The following LARP4B variants were observed in gnomAD, a reference collection of about 807,000 sequenced individuals.
LARP4B encodes the protein la-related protein 4B.
LARP4B carries 12 observed loss-of-function variants against 89.8 expected under a neutral mutation model. The ratio of observed to expected loss-of-function variants is 0.13; its 90% CI spans 0.09 to 0.22. The LOEUF is 0.22. Among genes scored for constraint, LARP4B ranks in the 10% least tolerant of loss-of-function variants. LARP4B has a pLI of 1.00. For missense variants in LARP4B, 757 were observed against 947.7 expected, an observed-to-expected ratio of 0.80 and a Z score of 2.64; for synonymous variants, 367 against 363.3, an observed-to-expected ratio of 1.01 and a Z score of -0.12.
chr10:817,676 C>G (rs771565749), intron 15 of LARP4B, 49 bp downstream of exon 15: 1 of 1,560,482 alleles, frequency 6.4e-7, no homozygotes, highest in East Asian at 2.3e-5. Flanking sequence ...ACACGGAACC[C>G]GTACCTAGAC....
At chr10:904,099 A>G (rs1485828869) in intron 1 of LARP4B, among the ~76,000 whole-genome samples, 1 of 152,202 alleles carries the variant, frequency 6.6e-6, no homozygotes, top group African/African-American at 2.4e-5. Context: ...CAAGTGAAAA[A>G]TTCTGATGTT....
At chr10:908,642 C>T (rs943650677) in intron 1 of LARP4B, among the ~76,000 whole-genome samples, 7 of 152,194 alleles carry the variant, frequency 4.6e-5, no homozygotes, top group Non-Finnish European at 1.0e-4. Flanking sequence ...GAGAAATCCC[C>T]GCACATTTCT....
At chr10:983,037 G>A in the LARP4B span, among the ~76,000 whole-genome samples, 1 of 152,256 alleles carries the variant, frequency 6.6e-6, no homozygotes, top group South Asian at 2.1e-4. Context: ...AGGAACAGAA[G>A]AGGGGTTATT....
chr10:884,522 C>T lies in LARP4B; in HGVS notation c.82-16G>A. ...GACCATTCATCTGTAAAATTGAAAACAAAGACAACATCAGTACAATGTTTA... is the reference window on the plus strand; with the variant it reads ...GACCATTCATCTGTAAAATTGAAAATAAAGACAACATCAGTACAATGTTTA... On this transcript the variant is annotated splice_polypyrimidine_tract_variant and intron_variant, in intron 2 of 17. Transcript: ENST00000316157. 2 of 1,545,756 alleles carry T rather than the reference C, an allele frequency of 1.3e-6. No individual in the cohort carries two copies. The highest frequency in any genetic ancestry group is 1.1e-5 in the South Asian group (1 of 89,434).
chr10:861,135 G>A (rs948244878), intron 5 of LARP4B, among the ~76,000 whole-genome samples: 9 of 152,086 alleles, frequency 5.9e-5, no homozygotes, highest in African/African-American at 2.2e-4. Context: ...CAGCCTGGGT[G>A]ACACAGCAAG....
chr10:818,931 G>C (rs1366203635), intron 14 of LARP4B: 1 of 152,238 alleles, frequency 6.6e-6, no homozygotes, highest in East Asian at 1.9e-4. Context: ...GGATGAAAAT[G>C]AATTCAGGCT....
intron 8 of LARP4B, among the ~76,000 whole-genome samples, chr10:835,398 T>C (rs560884138): frequency 6.6e-6 from 1 of 152,316 alleles, no homozygotes; most frequent in Admixed American, 6.5e-5. Context: ...AGAGGTAGCA[T>C]GAACGACGAG....
At chr10:964,362 G>C in the LARP4B span, among the ~76,000 whole-genome samples, 1 of 152,290 alleles carries the variant, frequency 6.6e-6, no homozygotes, top group Admixed American at 6.5e-5. Context: ...ACCATGCCCA[G>C]CCCAGATTCA....
chr10:860,120 G>A (rs1376711425), intron 5 of LARP4B, among the ~76,000 whole-genome samples: 1 of 85,190 alleles, frequency 1.2e-5, no homozygotes, highest in Non-Finnish European at 2.6e-5. Flanking sequence ...CCATGCATGT[G>A]TGGGGGTGGG....
chr10:899,091 T>C (rs574740691), intron 1 of LARP4B, among the ~76,000 whole-genome samples: 2 of 152,350 alleles, frequency 1.3e-5, no homozygotes, highest in South Asian at 4.1e-4. Flanking sequence ...AAGATAAGCA[T>C]CTTTTTTCTT....
the LARP4B span, among the ~76,000 whole-genome samples, chr10:981,575 T>C: frequency 1.3e-5 from 2 of 152,120 alleles, no homozygotes; most frequent in South Asian, 4.1e-4. Context: ...TTTTTTTGTT[T>C]CGTTTTGTTT....
chr10:834,361 T>G (rs1254875267), intron 8 of LARP4B, among the ~76,000 whole-genome samples: 1 of 152,222 alleles, frequency 6.6e-6, no homozygotes, highest in Non-Finnish European at 1.5e-5. Flanking sequence ...AGTCTACTAG[T>G]GGCAAGAATG....
intron 5 of LARP4B, among the ~76,000 whole-genome samples, chr10:850,548 A>C (rs1276048903): frequency 6.6e-6 from 1 of 152,240 alleles, no homozygotes. Context: ...CCTTTCTTTC[A>C]ATAGTTGACA....
intron 3 of LARP4B, among the ~76,000 whole-genome samples, chr10:882,268 TGAACA>T (rs1293515883): frequency 6.6e-6 from 1 of 152,118 alleles, no homozygotes; most frequent in Non-Finnish European, 1.5e-5. Flanking sequence ...TTTTTTTTAA[TGAACA>T]GAACACAGTA....
intron 8 of LARP4B, 85 bp from the exon 9 acceptor site, chr10:831,062 TCTTAAGGAACTATC>T (rs1252063984): frequency 3.3e-6 from 2 of 598,394 alleles, no homozygotes; most frequent in East Asian, 2.9e-5. Context: ...AAATGCATTC[TCTTAAGGAACTATC>T]CTTAAACAAA....
At chr10:975,905 T>C in the LARP4B span, among the ~76,000 whole-genome samples, 19 of 149,474 alleles carry the variant, frequency 1.3e-4, no homozygotes, top group African/African-American at 4.7e-4. Flanking sequence ...TGTAGGCCTG[T>C]CGTGCAACGT....
chr10:939,869 A>C, the LARP4B span, among the ~76,000 whole-genome samples: 1 of 152,166 alleles, frequency 6.6e-6, no homozygotes, highest in African/African-American at 2.4e-5. Context: ...TTTGAGACAG[A>C]GTCTTGCTCT....
chr10:860,429 A>C (rs1834541142), intron 5 of LARP4B, among the ~76,000 whole-genome samples: 1 of 152,210 alleles, frequency 6.6e-6, no homozygotes, highest in South Asian at 2.1e-4. Context: ...TCTTAAAAGG[A>C]TAAACATGCC....
At chr10:909,676 T>G (rs1485101901) in intron 1 of LARP4B, among the ~76,000 whole-genome samples, 1 of 151,686 alleles carries the variant, frequency 6.6e-6, no homozygotes, top group Non-Finnish European at 1.5e-5. Context: ...TCCCAGCTAC[T>G]CGGGAGGCTG....
Sources: gnomAD v4.1 joint callset for allele counts (sites outside exome capture counted in the v4.1 genomes callset) on GRCh38, gnomAD v4.1.1 for gene constraint, MANE v1.5 for transcripts, NCBI Gene and HGNC (gene_info 2026-07-23, HGNC 2026-07-21) for gene names.